INPP4B: variants seen among roughly 807,000 people sequenced by gnomAD.
The protein encoded by INPP4B is inositol polyphosphate 4-phosphatase type II.
INPP4B carries 55 observed loss-of-function variants against 122.5 expected under a neutral mutation model. The observed-to-expected ratio is 0.45, with a 90% CI of 0.36 to 0.56. The LOEUF is 0.56. INPP4B is among the 20% of genes least tolerant of loss of function. The pLI is 0.00. For synonymous variants in INPP4B, 403 were observed against 388.7 expected, an observed-to-expected ratio of 1.04 and a Z score of -0.43; for missense variants, 1,000 against 1,097.7, an observed-to-expected ratio of 0.91 and a Z score of 1.26.
intron 7 of INPP4B, among the ~76,000 whole-genome samples, chr4:142,318,133 C>A (rs1368178557): frequency 6.6e-6 from 1 of 151,940 alleles, no homozygotes; most frequent in African/African-American, 2.4e-5. Context: ...GACAATAGAC[C>A]CTACAGATTG....
In INPP4B at chr4:142,240,284, C is replaced by T. The variant is rs548608864; in HGVS notation, c.689-2273G>A. Among the ~76,000 whole-genome samples the T allele has an allele frequency of 9.9e-5, 15 of 152,000 alleles. No homozygotes were observed. The South Asian group carries it at 1.0e-3, about 11-fold the overall frequency. On this transcript the variant is annotated intron_variant, in intron 11 of 25. Transcript: ENST00000262992. ...TCCAAACTCCTGGGCTCAAGCTATC[C>T]GCCCATTTCTGTCTCTCAAAATGCT...
chr4:142,311,804 G>C (rs1449891952), intron 8 of INPP4B, among the ~76,000 whole-genome samples: 1 of 152,164 alleles, frequency 6.6e-6, no homozygotes, highest in Non-Finnish European at 1.5e-5. Flanking sequence ...GAATTGAAGG[G>C]ATAGGCCAGC....
chr4:142,379,097 A>G (rs1793100107), intron 7 of INPP4B, among the ~76,000 whole-genome samples: 1 of 152,158 alleles, frequency 6.6e-6, no homozygotes, highest in South Asian at 2.1e-4. Flanking sequence ...GCCCTTTTCA[A>G]AAAACCCAAA....
At chr4:142,089,995 A>T (rs533222590) in intron 23 of INPP4B, among the ~76,000 whole-genome samples, 1 of 152,282 alleles carries the variant, frequency 6.6e-6, no homozygotes, top group South Asian at 2.1e-4. Context: ...TGTTTTTACC[A>T]TTGGTAGTAC....
intron 17 of INPP4B, among the ~76,000 whole-genome samples, chr4:142,150,052 T>C (rs967967939): frequency 2.6e-5 from 4 of 152,236 alleles, no homozygotes; most frequent in African/African-American, 4.8e-5. Flanking sequence ...CTTTCCATTA[T>C]ATCTCTGTGA....
intron 3 of INPP4B, among the ~76,000 whole-genome samples, chr4:142,446,983 A>G (rs1308024944): frequency 6.6e-6 from 1 of 152,228 alleles, no homozygotes; most frequent in East Asian, 1.9e-4. Flanking sequence ...TCTATCAGGA[A>G]AGTTTTATTT....
intron 2 of INPP4B, among the ~76,000 whole-genome samples, chr4:142,691,858 G>A (rs537588261): frequency 3.3e-5 from 5 of 152,130 alleles, no homozygotes; most frequent in Non-Finnish European, 7.3e-5. Context: ...GTCTGCCACT[G>A]ACCATGTTCA....
At chr4:142,665,211 G>A (rs1206496624) in intron 2 of INPP4B, among the ~76,000 whole-genome samples, 5 of 152,072 alleles carry the variant, frequency 3.3e-5, no homozygotes, top group African/African-American at 7.2e-5. Context: ...AAATTATTCC[G>A]GCCAGGCACG....
Position 142,534,955 on chromosome 4 carries a change from T to C in INPP4B, c.-190-72229A>G, listed in dbSNP as rs114836129. Reference sequence around the variant, plus strand: ...TGTTACTGAAAATAATACAATTTGTTATTAAAATATGTTCCCTGGGGAAGT... The same window carrying C: ...TGTTACTGAAAATAATACAATTTGTCATTAAAATATGTTCCCTGGGGAAGT... On this transcript the variant is annotated intron_variant, in intron 2 of 25. Coordinates refer to ENST00000262992, the MANE Select transcript of INPP4B (RefSeq NM_001101669.3). Among the ~76,000 whole-genome samples the C allele has an allele frequency of 8.3e-3, 1,266 of 152,276 alleles. 16 individuals carry two copies. Among genetic ancestry groups the C allele is most frequent in the African/African-American group, 0.027 (1,128 of 41,570 alleles).
At chr4:142,719,090 T>C (rs543467800) in intron 2 of INPP4B, among the ~76,000 whole-genome samples, 5 of 152,282 alleles carry the variant, frequency 3.3e-5, no homozygotes, top group Admixed American at 3.3e-4. Context: ...CAGATTTTTT[T>C]CCAAGGGAGA....
At chr4:142,500,316 C>T (rs1297800387) in intron 2 of INPP4B, among the ~76,000 whole-genome samples, 2 of 152,140 alleles carry the variant, frequency 1.3e-5, no homozygotes, top group Admixed American at 6.6e-5. Flanking sequence ...AGACTCCTTG[C>T]CCCTGAGGCC....
chr4:142,740,624 T>C (rs554695731), intron 1 of INPP4B, among the ~76,000 whole-genome samples: 1 of 151,876 alleles, frequency 6.6e-6, no homozygotes, highest in East Asian at 1.9e-4. Context: ...GAGAAGATTT[T>C]AGTCTTGTAA....
intron 2 of INPP4B, among the ~76,000 whole-genome samples, chr4:142,723,410 G>T (rs1228715124): frequency 6.6e-6 from 1 of 151,958 alleles, no homozygotes; most frequent in Non-Finnish European, 1.5e-5. Flanking sequence ...ATCCTACCAT[G>T]GTATACCTAC....
intron 25 of INPP4B, 76 bp from the exon 26 acceptor site, chr4:142,028,990 T>TG (rs1474101262): frequency 6.9e-5 from 104 of 1,510,640 alleles, no homozygotes; most frequent in Non-Finnish European, 9.0e-5. Context: ...AATGCAGAGT[T>TG]GCAGCAACCA....
chr4:142,425,790 A>G (rs1457185954), intron 5 of INPP4B, among the ~76,000 whole-genome samples: 4 of 152,056 alleles, frequency 2.6e-5, no homozygotes, highest in Non-Finnish European at 4.4e-5. Flanking sequence ...ATGATTTTAT[A>G]TACAGGCTTT....
rs2113994 is a variant in INPP4B, at chr4:142,566,837, T to C, written c.-190-104111A>G. On this transcript the variant is annotated intron_variant, in intron 2 of 25. Coordinates refer to ENST00000262992, the MANE Select transcript of INPP4B (RefSeq NM_001101669.3). ...GTTTCTAAGTGCACAATTAGACTTA[T>C]GTGCAAAGTTATAACCAGCTCATTT... is the stretch of plus-strand genomic sequence containing the variant. 5.8e-4 allele frequency among the ~76,000 whole-genome samples: 88 copies of C among 152,328 alleles called. 1 individual carries two copies. Among genetic ancestry groups the C allele is most frequent in the African/African-American group, 2.1e-3 (86 of 41,588 alleles).
Position 142,342,405 on chromosome 4 carries a change from A to T in INPP4B, c.373-27643T>A, listed in dbSNP as rs769334456. ...ACATCTAATTTTTGGCCCAGTCCTA[A>T]ACAAAATTGAGAAATAAAAGAAATT... On this transcript the variant is annotated intron_variant, in intron 7 of 25. Coordinates refer to ENST00000262992, the MANE Select transcript of INPP4B (RefSeq NM_001101669.3). 2.6e-4 allele frequency among the ~76,000 whole-genome samples: 39 copies of T among 152,250 alleles called. 2 individuals are homozygous for T. The highest frequency in any genetic ancestry group is 1.1e-3 in the Admixed American group (17 of 15,292).
intron 6 of INPP4B, 45 bp downstream of exon 6, chr4:142,405,161 G>A (rs1803005186): frequency 7.3e-6 from 2 of 273,772 alleles, no homozygotes; most frequent in South Asian, 6.1e-5. Flanking sequence ...GAGCCAGCAA[G>A]AGAGAGAGAG....
At chr4:142,647,966 G>A (rs115738049) in intron 2 of INPP4B, among the ~76,000 whole-genome samples, 364 of 152,152 alleles carry the variant, frequency 2.4e-3, no homozygotes, top group Non-Finnish European at 3.7e-3. Flanking sequence ...CCTCCTTTTC[G>A]TTCTCTTTCT....
Sources: gnomAD v4.1 joint callset for allele counts (sites outside exome capture counted in the v4.1 genomes callset) on GRCh38, gnomAD v4.1.1 for gene constraint, MANE v1.5 for transcripts, NCBI Gene and HGNC (gene_info 2026-07-23, HGNC 2026-07-21) for gene names.